The following RAB11FIP4 variants were observed in gnomAD, a reference collection of about 807,000 sequenced individuals.
The protein encoded by RAB11FIP4 is rab11 family-interacting protein 4.
Under a neutral mutation model 74.3 loss-of-function variants are expected in RAB11FIP4, and 23 were observed. The ratio of observed to expected loss-of-function variants is 0.31; its 90% CI spans 0.22 to 0.44. RAB11FIP4 has a LOEUF of 0.44. Among genes scored for constraint, RAB11FIP4 ranks in the 20% least tolerant of loss-of-function variants. The pLI is 1.00. For synonymous variants in RAB11FIP4, 360 were observed against 359.9 expected (o/e 1.00, Z 0.00); for missense variants, 630 against 863.9 (o/e 0.73, Z 3.39).
At chr17:31,487,159 T>C (rs2071912784) in intron 3 of RAB11FIP4, among the ~76,000 whole-genome samples, 2 of 152,222 alleles carry the variant, frequency 1.3e-5, no homozygotes, top group Admixed American at 1.3e-4. Context: ...TCAAGTTATA[T>C]AGTGCAACAG....
At chr17:31,456,680 C>T (rs2071581784) in intron 3 of RAB11FIP4, among the ~76,000 whole-genome samples, 1 of 152,146 alleles carries the variant, frequency 6.6e-6, no homozygotes, top group South Asian at 2.1e-4. Flanking sequence ...ATAAAATCTG[C>T]CTTTCCATTT....
At chr17:31,478,386 C>A (rs893986745) in intron 3 of RAB11FIP4, among the ~76,000 whole-genome samples, 3 of 152,192 alleles carry the variant, frequency 2.0e-5, no homozygotes, top group Non-Finnish European at 4.4e-5. Context: ...CTTCTCAGAA[C>A]ACTGATCCCT....
At position 31,498,159 on chromosome 17, in the gene RAB11FIP4, A is replaced by C. The variant is rs900941610; in HGVS notation, c.337-19492A>C. 5.3e-5 allele frequency among the ~76,000 whole-genome samples: 8 copies of C among 152,046 alleles called. No individual in the cohort carries two copies. The East Asian group carries it at 1.4e-3, about 26-fold the overall frequency. On this transcript the variant is annotated intron_variant, in intron 3 of 14. Transcript: ENST00000621161. ...TCACAAGCTCTTAGAGGGGGTTCCC[A>C]ATGGACTCCCTGGGAGGGAGAGTCT...
intron 3 of RAB11FIP4, among the ~76,000 whole-genome samples, chr17:31,515,865 T>C (rs969407352): frequency 6.6e-6 from 1 of 152,152 alleles, no homozygotes; most frequent in Non-Finnish European, 1.5e-5. Context: ...AGGCCGAAGC[T>C]CTTCTATCTG....
chr17:31,486,998 G>A (rs1190960291), intron 3 of RAB11FIP4, among the ~76,000 whole-genome samples: 1 of 152,190 alleles, frequency 6.6e-6, no homozygotes, highest in Admixed American at 6.5e-5. Flanking sequence ...GGGTGTGGGT[G>A]GGTGTGTAGG....
chr17:31,412,883 C>CA (rs988902760), intron 1 of RAB11FIP4, among the ~76,000 whole-genome samples: 33 of 151,916 alleles, frequency 2.2e-4, no homozygotes, highest in Admixed American at 1.9e-3. Flanking sequence ...ATTTCACAGG[C>CA]AAAAAAACTG....
intron 3 of RAB11FIP4, 101 bp from the exon 4 acceptor site, chr17:31,517,550 C>A: frequency 3.6e-6 from 4 of 1,113,328 alleles, no homozygotes; most frequent in Middle Eastern, 2.5e-4. Flanking sequence ...TGTACCCAAT[C>A]CCTGCTGTTT....
intron 3 of RAB11FIP4, among the ~76,000 whole-genome samples, chr17:31,514,999 G>GGCCCT (rs575434569): frequency 4.4e-4 from 67 of 152,266 alleles, no homozygotes; most frequent in East Asian, 5.8e-4. Context: ...CGGGGTGGGG[G>GGCCCT]GCCCTGCCCT....
At chr17:31,498,790 G>A (rs1219877528) in intron 3 of RAB11FIP4, among the ~76,000 whole-genome samples, 5 of 152,134 alleles carry the variant, frequency 3.3e-5, no homozygotes, top group Non-Finnish European at 5.9e-5. Context: ...TGACCTACCC[G>A]GTGGACTCTA....
intron 2 of RAB11FIP4, among the ~76,000 whole-genome samples, chr17:31,433,535 G>A (rs1004119111): frequency 3.9e-5 from 6 of 152,246 alleles, no homozygotes; most frequent in South Asian, 2.1e-4. Flanking sequence ...ACCTTGGGGC[G>A]TTTGGTTGGG....
intron 1 of RAB11FIP4, among the ~76,000 whole-genome samples, chr17:31,411,175 A>T (rs922128433): frequency 1.3e-5 from 2 of 152,160 alleles, no homozygotes; most frequent in African/African-American, 2.4e-5. Context: ...CATCCTGGCT[A>T]ACATGGTGAA....
chr17:31,409,188 T>C (rs2071070239), intron 1 of RAB11FIP4, among the ~76,000 whole-genome samples: 1 of 152,150 alleles, frequency 6.6e-6, no homozygotes, highest in African/African-American at 2.4e-5. Context: ...TATAATTTTT[T>C]ACAGTGGAGA....
intron 1 of RAB11FIP4, among the ~76,000 whole-genome samples, chr17:31,425,807 G>T (rs981288197): frequency 9.9e-5 from 15 of 152,182 alleles, no homozygotes; most frequent in Non-Finnish European, 5.9e-5. Context: ...GCCAGAGGGG[G>T]AGCCCCAGGG....
intron 3 of RAB11FIP4, among the ~76,000 whole-genome samples, chr17:31,467,081 T>C (rs1361456328): frequency 1.3e-5 from 2 of 151,486 alleles, no homozygotes; most frequent in African/African-American, 2.4e-5. Context: ...ACCTCCTGCA[T>C]CTAGCTCCTG....
chr17:31,492,961 G>A (rs961928679), intron 3 of RAB11FIP4, among the ~76,000 whole-genome samples: 5 of 152,086 alleles, frequency 3.3e-5, no homozygotes, highest in Admixed American at 1.3e-4. Context: ...GAGATGAGAC[G>A]GGGAGGAGAA....
intron 3 of RAB11FIP4, among the ~76,000 whole-genome samples, chr17:31,503,391 G>A (rs149101627): frequency 1.3e-5 from 2 of 149,536 alleles, no homozygotes; most frequent in East Asian, 1.9e-4. Flanking sequence ...GAAGTACTAG[G>A]GATTAGGACT....
chr17:31,416,205 C>G (rs185519176), intron 1 of RAB11FIP4, among the ~76,000 whole-genome samples: 1 of 152,212 alleles, frequency 6.6e-6, no homozygotes, highest in Non-Finnish European at 1.5e-5. Context: ...AATTGCGGAG[C>G]TGGTCCTGGG....
intron 6 of RAB11FIP4, 40 bp downstream of exon 6, chr17:31,522,089 GC>G: frequency 6.2e-7 from 1 of 1,612,612 alleles, no homozygotes; most frequent in African/African-American, 1.3e-5. Context: ...AGGCCGGGGG[GC>G]CAGGGCAGGG....
chr17:31,444,861 C>T (rs140446991), intron 3 of RAB11FIP4, among the ~76,000 whole-genome samples: 65 of 152,306 alleles, frequency 4.3e-4, no homozygotes, highest in African/African-American at 1.6e-3. Context: ...TTGATCCCTC[C>T]CCTTCTCCTT....
Sources: gnomAD v4.1 joint callset for allele counts (sites outside exome capture counted in the v4.1 genomes callset) on GRCh38, gnomAD v4.1.1 for gene constraint, MANE v1.5 for transcripts, NCBI Gene and HGNC (gene_info 2026-07-23, HGNC 2026-07-21) for gene names.